TENM4: variants seen among roughly 807,000 people sequenced by gnomAD.
The protein encoded by TENM4 is teneurin transmembrane protein 4.
In TENM4, 82 loss-of-function variants were observed where a neutral mutation model predicts 243.3. The observed-to-expected ratio is 0.34, with a 90% CI of 0.28 to 0.40. TENM4 has a LOEUF of 0.40. Among genes scored for constraint, TENM4 ranks in the 10% least tolerant of loss-of-function variants. TENM4 has a pLI of 1.00. For missense variants in TENM4, 3,138 were observed against 3,673.3 expected, an observed-to-expected ratio of 0.85 and a Z score of 3.77; for synonymous variants, 1,412 against 1,456.3, an observed-to-expected ratio of 0.97 and a Z score of 0.69.
At chr11:78,980,189 C>T (rs1280986645) in intron 6 of TENM4, among the ~76,000 whole-genome samples, 1 of 152,220 alleles carries the variant, frequency 6.6e-6, no homozygotes, top group East Asian at 1.9e-4. Context: ...CTAATAACAA[C>T]AATGATAATA....
At chr11:79,083,042 C>A (rs752764481) in intron 4 of TENM4, among the ~76,000 whole-genome samples, 2 of 152,216 alleles carry the variant, frequency 1.3e-5, no homozygotes, top group Admixed American at 6.5e-5. Context: ...GAGTTCTACA[C>A]GCCTAATCAA....
At chr11:79,285,901 G>A (rs1466407152) in intron 2 of TENM4, among the ~76,000 whole-genome samples, 1 of 152,152 alleles carries the variant, frequency 6.6e-6, no homozygotes, top group East Asian at 1.9e-4. Flanking sequence ...GGGAATGACT[G>A]CTAATGAGCA....
chr11:79,001,234 C>T lies in TENM4; in HGVS notation c.493+63504G>A, dbSNP rs544176592. 3.9e-5 allele frequency among the ~76,000 whole-genome samples: 6 copies of T among 152,210 alleles called. No homozygotes were observed. In the East Asian group the frequency reaches 1.2e-3, roughly 29 times the overall value. On this transcript the variant is annotated intron_variant, in intron 6 of 33. Transcript: ENST00000278550. The stretch of plus-strand genomic sequence containing the variant: ...AGAATGGAGCCAGGAGAAATGTCTG[C>T]CACTGAGAGGCTGGGACATCAGGAA...
At chr11:79,122,512 C>A (rs754899140) in intron 4 of TENM4, among the ~76,000 whole-genome samples, 1 of 152,114 alleles carries the variant, frequency 6.6e-6, no homozygotes, top group Non-Finnish European at 1.5e-5. Context: ...TTAGCAATGG[C>A]GGTACAGAGA....
intron 12 of TENM4, among the ~76,000 whole-genome samples, chr11:78,817,827 C>T (rs890201505): frequency 3.3e-5 from 5 of 152,074 alleles, no homozygotes; most frequent in African/African-American, 1.2e-4. Context: ...CATGATCTTT[C>T]GGTACCTGTC....
chr11:79,063,850 A>G (rs1016947723), intron 6 of TENM4, among the ~76,000 whole-genome samples: 10 of 152,130 alleles, frequency 6.6e-5, no homozygotes, highest in Admixed American at 3.3e-4. Context: ...CTCAGGGAGG[A>G]GAGTGGAATA....
At chr11:79,099,483 A>C (rs1437441794) in intron 4 of TENM4, among the ~76,000 whole-genome samples, 1 of 152,154 alleles carries the variant, frequency 6.6e-6, no homozygotes, top group African/African-American at 2.4e-5. Context: ...CCCTGGGTCT[A>C]TATCAAAGAG....
intron 12 of TENM4, among the ~76,000 whole-genome samples, chr11:78,834,426 C>T (rs575752089): frequency 5.9e-5 from 9 of 151,952 alleles, no homozygotes; most frequent in Admixed American, 1.3e-4. Flanking sequence ...TCTGATGATC[C>T]TCTGTTCATA....
At chr11:79,375,513 G>A (rs1225409397) in intron 1 of TENM4, among the ~76,000 whole-genome samples, 1 of 152,074 alleles carries the variant, frequency 6.6e-6, no homozygotes, top group African/African-American at 2.4e-5. Flanking sequence ...AATGGTTAAA[G>A]AATATTACCT....
At chr11:78,913,625 G>GTA (rs1565123322) in intron 6 of TENM4, among the ~76,000 whole-genome samples, 2 of 147,832 alleles carry the variant, frequency 1.4e-5, no homozygotes, top group African/African-American at 5.0e-5. Flanking sequence ...GTGTGTGTGT[G>GTA]TGTGAGTGTC....
Position 78,849,782 on chromosome 11 carries a change from T to A in TENM4, c.1681+4322A>T, listed in dbSNP as rs184141378. Among the ~76,000 whole-genome samples the A allele has an allele frequency of 2.4e-3, 366 of 152,334 alleles. 2 individuals carry two copies. The highest frequency in any genetic ancestry group is 8.4e-3 in the African/African-American group (350 of 41,582). On this transcript the variant is annotated intron_variant, in intron 12 of 33. Coordinates refer to ENST00000278550, the MANE Select transcript of TENM4 (RefSeq NM_001098816.3). ...TTACTCATCTGCAATAGGGAGGTGA[T>A]AATAAAAATAAGAATAATCATCTCA...
chr11:78,941,557 C>T (rs1018012092), intron 6 of TENM4, among the ~76,000 whole-genome samples: 14 of 152,184 alleles, frequency 9.2e-5, no homozygotes, highest in African/African-American at 2.9e-4. Flanking sequence ...GACCTCTAGG[C>T]TCGGAGGCAG....
chr11:78,920,761 A>G (rs560264373), intron 6 of TENM4, among the ~76,000 whole-genome samples: 3 of 152,358 alleles, frequency 2.0e-5, no homozygotes, highest in Admixed American at 2.0e-4. Flanking sequence ...TAATGTGTCC[A>G]TTCTCTTAAC....
intron 14 of TENM4, among the ~76,000 whole-genome samples, chr11:78,807,855 T>C (rs1483925901): frequency 6.6e-6 from 1 of 152,204 alleles, no homozygotes; most frequent in Non-Finnish European, 1.5e-5. Context: ...TCTAGGTCCA[T>C]GGTCCAATTA....
At chr11:79,421,761 T>C (rs1375878720) in intron 1 of TENM4, among the ~76,000 whole-genome samples, 2 of 151,758 alleles carry the variant, frequency 1.3e-5, no homozygotes, top group Non-Finnish European at 2.9e-5. Context: ...GAGGCTGATC[T>C]CGATCTACAG....
At chr11:79,377,204 C>T (rs1857909096) in intron 1 of TENM4, among the ~76,000 whole-genome samples, 1 of 152,238 alleles carries the variant, frequency 6.6e-6, no homozygotes. Flanking sequence ...GCCTCCAGCA[C>T]AGCCCTGTTG....
At chr11:78,734,044 G>A (rs184795681) in intron 20 of TENM4, among the ~76,000 whole-genome samples, 1 of 152,176 alleles carries the variant, frequency 6.6e-6, no homozygotes, top group Admixed American at 6.5e-5. Context: ...CAAAAGTGAT[G>A]TGAACTAAGT....
intron 2 of TENM4, among the ~76,000 whole-genome samples, chr11:79,261,198 G>A (rs966746932): frequency 6.6e-6 from 1 of 152,118 alleles, no homozygotes; most frequent in African/African-American, 2.4e-5. Flanking sequence ...TGGGAAGTAC[G>A]ACCCCCTGAC....
At chr11:79,235,458 G>C (rs1191880801) in intron 2 of TENM4, among the ~76,000 whole-genome samples, 1 of 152,092 alleles carries the variant, frequency 6.6e-6, no homozygotes, top group Non-Finnish European at 1.5e-5. Flanking sequence ...CTAGTCATGC[G>C]GCCTGACACA....
Sources: gnomAD v4.1 joint callset for allele counts (sites outside exome capture counted in the v4.1 genomes callset) on GRCh38, gnomAD v4.1.1 for gene constraint, MANE v1.5 for transcripts, NCBI Gene and HGNC (gene_info 2026-07-23, HGNC 2026-07-21) for gene names.